Variants in HDAC9 observed in about 807,000 individuals in gnomAD.
HDAC9 encodes the protein histone deacetylase 9, also known as MEF-2 interacting transcription repressor (MITR) protein.
HDAC9 carries 41 observed loss-of-function variants against 139.4 expected under a neutral mutation model. The ratio of observed to expected loss-of-function variants is 0.29; its 90% CI spans 0.23 to 0.38. The LOEUF is 0.38. Ranked by LOEUF, HDAC9 falls within the 10% of genes least tolerant of loss-of-function variation. The pLI is 1.00. For synonymous variants in HDAC9, 517 were observed against 476.2 expected (o/e 1.09, Z -1.12); for missense variants, 1,147 against 1,297.0 (o/e 0.88, Z 1.78).
chr7:18,715,073 C>T (rs1278934574), intron 12 of HDAC9, among the ~76,000 whole-genome samples: 1 of 152,142 alleles, frequency 6.6e-6, no homozygotes, highest in East Asian at 1.9e-4. Context: ...ACATTCATCT[C>T]AGCAAATACA....
intron 24 of HDAC9, among the ~76,000 whole-genome samples, chr7:18,963,220 C>T (rs1020100515): frequency 6.6e-6 from 1 of 152,132 alleles, no homozygotes; most frequent in Non-Finnish European, 1.5e-5. Flanking sequence ...TGGGGAATAT[C>T]TCTGAAGCAA....
intron 23 of HDAC9, among the ~76,000 whole-genome samples, chr7:18,952,787 C>G (rs1782888185): frequency 6.7e-6 from 1 of 150,126 alleles, no homozygotes; most frequent in South Asian, 2.1e-4. Flanking sequence ...ATTTCAGAAC[C>G]TTGTACTGCC....
intron 12 of HDAC9, among the ~76,000 whole-genome samples, chr7:18,715,986 C>G (rs1784669011): frequency 6.6e-6 from 1 of 152,106 alleles, no homozygotes; most frequent in African/African-American, 2.4e-5. Flanking sequence ...ATTCATGTGT[C>G]TTAAATAGAA....
At chr7:18,474,231 T>C (rs906274609) in intron 1 of HDAC9, among the ~76,000 whole-genome samples, 11 of 152,234 alleles carry the variant, frequency 7.2e-5, no homozygotes, top group African/African-American at 2.4e-4. Context: ...TGGGTGAATC[T>C]ATGTAGAGGG....
chr7:18,094,120 C>T (rs1388205556), intron 1 of HDAC9, among the ~76,000 whole-genome samples: 1 of 152,156 alleles, frequency 6.6e-6, no homozygotes, highest in African/African-American at 2.4e-5. Context: ...CAGGTGCACA[C>T]CTATGGACTA....
intron 2 of HDAC9, among the ~76,000 whole-genome samples, chr7:18,562,142 T>C (rs1469170201): frequency 6.6e-6 from 1 of 152,206 alleles, no homozygotes; most frequent in East Asian, 1.9e-4. Context: ...TCTGGAGAAA[T>C]GTCTTTTCAA....
At chr7:18,371,022 C>T (rs367882019) in intron 1 of HDAC9, among the ~76,000 whole-genome samples, 18 of 152,210 alleles carry the variant, frequency 1.2e-4, no homozygotes, top group Admixed American at 3.9e-4. Context: ...CCAGAACTCG[C>T]GCATCATGTC....
chr7:18,782,012 A>G (rs534761830), intron 16 of HDAC9, among the ~76,000 whole-genome samples: 5 of 152,122 alleles, frequency 3.3e-5, no homozygotes, highest in South Asian at 2.1e-4. Flanking sequence ...CAATACTGCA[A>G]TGAAAAACCT....
chr7:18,599,093 A>T (rs1833257600), intron 6 of HDAC9, among the ~76,000 whole-genome samples: 1 of 152,208 alleles, frequency 6.6e-6, no homozygotes, highest in Admixed American at 6.5e-5. Flanking sequence ...TTCTGTGCTC[A>T]CTAGGGCCAG....
At chr7:18,706,955 G>C (rs1385534768) in intron 12 of HDAC9, among the ~76,000 whole-genome samples, 2 of 152,206 alleles carry the variant, frequency 1.3e-5, no homozygotes, top group Non-Finnish European at 2.9e-5. Context: ...AGGCTCCCCA[G>C]ACGAGGTTAT....
intron 17 of HDAC9, among the ~76,000 whole-genome samples, chr7:18,814,154 G>C (rs1241127754): frequency 6.6e-6 from 1 of 152,032 alleles, no homozygotes; most frequent in East Asian, 1.9e-4. Flanking sequence ...TCTAAACCTT[G>C]CTGAGCTTTT....
Position 18,495,915 on chromosome 7 carries a change from GAAAT to G in HDAC9, c.-147_-144del. 1 of 1,213,048 alleles carries G rather than the reference GAAAT, an allele frequency of 8.2e-7. No homozygotes were observed. Among genetic ancestry groups the G allele is most frequent in the Non-Finnish European group, 1.0e-6 (1 of 976,254 alleles). The allele number at this position is 1,213,048 out of a possible 1,614,324, so 75.1% of individuals were successfully genotyped here. ...ATAATTTTCTACGTATTCTGACAAAGAAATAACCCCGAAGCACGTTCCTATTTCC... is the reference window on the plus strand; with the variant it reads ...ATAATTTTCTACGTATTCTGACAAAGAACCCCGAAGCACGTTCCTATTTCC... On this transcript the variant is annotated 5_prime_UTR_variant, in exon 1 of 26. Coordinates refer to ENST00000686413, the MANE Select transcript of HDAC9 (RefSeq NM_178425.4).
intron 21 of HDAC9, among the ~76,000 whole-genome samples, chr7:18,857,462 T>C (rs1451035219): frequency 2.0e-5 from 3 of 152,072 alleles, no homozygotes; most frequent in African/African-American, 7.2e-5. Context: ...AATTAAAATA[T>C]CATTTTATCT....
At chr7:18,838,418 G>A (rs147621243) in intron 21 of HDAC9, among the ~76,000 whole-genome samples, 2 of 152,092 alleles carry the variant, frequency 1.3e-5, no homozygotes, top group African/African-American at 4.8e-5. Flanking sequence ...GGAGTCGGGG[G>A]TATTCATACT....
chr7:18,260,937 C>G (rs1389975085), intron 2 of HDAC9, among the ~76,000 whole-genome samples: 2 of 152,110 alleles, frequency 1.3e-5, no homozygotes, highest in Non-Finnish European at 2.9e-5. Flanking sequence ...TATGTTAAAA[C>G]AACAGATCCG....
chr7:18,927,715 G>A (rs1435432772), intron 22 of HDAC9, among the ~76,000 whole-genome samples: 1 of 152,132 alleles, frequency 6.6e-6, no homozygotes, highest in Non-Finnish European at 1.5e-5. Context: ...GAGTAAATTG[G>A]TAGTGAGACT....
intron 12 of HDAC9, among the ~76,000 whole-genome samples, chr7:18,678,943 C>A (rs2129088632): frequency 6.6e-6 from 1 of 152,028 alleles, no homozygotes; most frequent in South Asian, 2.1e-4. Flanking sequence ...TGGTTTCTCT[C>A]TTGCTCCCTA....
At chr7:18,239,953 G>GTTTT (rs34044255) in intron 2 of HDAC9, among the ~76,000 whole-genome samples, 1 of 132,982 alleles carries the variant, frequency 7.5e-6, no homozygotes, top group Non-Finnish European at 1.6e-5. Context: ...GGTGCTGCAT[G>GTTTT]TTTTTTTTTT....
At chr7:18,959,392 T>G (rs1427737853) in intron 24 of HDAC9, among the ~76,000 whole-genome samples, 1 of 152,204 alleles carries the variant, frequency 6.6e-6, no homozygotes, top group Non-Finnish European at 1.5e-5. Flanking sequence ...TCCTTTTAAG[T>G]GTCAACCAAT....
Sources: allele counts gnomAD v4.1 joint callset (sites outside exome capture counted in the v4.1 genomes callset), GRCh38; gene constraint gnomAD v4.1.1; transcripts MANE v1.5; gene names NCBI Gene and HGNC (gene_info 2026-07-23, HGNC 2026-07-21).